The following ROBO2 variants were observed in gnomAD, a reference collection of about 807,000 sequenced individuals.
The protein encoded by ROBO2 is roundabout homolog 2.
In ROBO2, 53 loss-of-function variants were observed where a neutral mutation model predicts 160.8. That is an observed-to-expected ratio of 0.33 (90% CI 0.26 to 0.41). The LOEUF (loss-of-function observed/expected upper bound fraction) is 0.41. Among genes scored for constraint, ROBO2 ranks in the 10% least tolerant of loss-of-function variants. The probability of loss-of-function intolerance (pLI) is 1.00; values close to 1 mark genes in which losing one functional copy is unlikely to be tolerated. For synonymous variants in ROBO2, 664 were observed against 611.7 expected (o/e 1.09, Z -1.26); for missense variants, 1,577 against 1,722.4 (o/e 0.92, Z 1.49).
intron 2 of ROBO2, among the ~76,000 whole-genome samples, chr3:76,639,464 T>TCA (rs34047566): frequency 0.075 from 11,254 of 149,096 alleles, 853 homozygotes; most frequent in African/African-American, 0.21. Context: ...CTACACTCTC[T>TCA]CACACACACA....
chr3:76,183,552 T>C (rs1701608347), intron 2 of ROBO2, among the ~76,000 whole-genome samples: 1 of 152,098 alleles, frequency 6.6e-6, no homozygotes, highest in South Asian at 2.1e-4. Context: ...CATTCATTCA[T>C]TCATTTGTTC....
At chr3:76,739,334 C>T (rs1458940039) in intron 2 of ROBO2, among the ~76,000 whole-genome samples, 1 of 152,092 alleles carries the variant, frequency 6.6e-6, no homozygotes, top group East Asian at 1.9e-4. Context: ...TTTGTAGTGA[C>T]ATGGATGAAA....
chr3:77,595,866 C>A (rs2094291128), intron 18 of ROBO2, among the ~76,000 whole-genome samples: 2 of 151,948 alleles, frequency 1.3e-5, no homozygotes, highest in African/African-American at 4.8e-5. Context: ...CAGAAGGGGT[C>A]TATCAAAAGA....
At chr3:76,481,590 A>G (rs1049630374) in intron 2 of ROBO2, among the ~76,000 whole-genome samples, 6 of 152,184 alleles carry the variant, frequency 3.9e-5, no homozygotes, top group African/African-American at 1.4e-4. Flanking sequence ...CGGAAGCAAT[A>G]TCTCTTAAAG....
At chr3:77,011,087 T>TTC (rs368908273) in intron 2 of ROBO2, among the ~76,000 whole-genome samples, 162 of 71,230 alleles carry the variant, frequency 2.3e-3, no homozygotes, top group South Asian at 4.9e-3. Flanking sequence ...CTTTCTTTCT[T>TTC]TTTCTTTCTA....
At chr3:76,352,741 A>G (rs1046273945) in intron 2 of ROBO2, among the ~76,000 whole-genome samples, 2 of 151,966 alleles carry the variant, frequency 1.3e-5, no homozygotes, top group African/African-American at 2.4e-5. Flanking sequence ...TATGAGACAG[A>G]GTTTTATTAG....
chr3:77,348,670 G>A (rs770698806), intron 2 of ROBO2, among the ~76,000 whole-genome samples: 7 of 152,070 alleles, frequency 4.6e-5, no homozygotes, highest in Non-Finnish European at 4.4e-5. Flanking sequence ...TCCAGATTGC[G>A]TTCATTTCCT....
chr3:76,638,390 T>G (rs946814281), intron 2 of ROBO2, among the ~76,000 whole-genome samples: 1 of 152,180 alleles, frequency 6.6e-6, no homozygotes, highest in African/African-American at 2.4e-5. Flanking sequence ...TGGTCAATAA[T>G]TCAAAGTAAT....
At chr3:77,196,208 T>C (rs936438550) in intron 2 of ROBO2, among the ~76,000 whole-genome samples, 28 of 152,198 alleles carry the variant, frequency 1.8e-4, no homozygotes, top group African/African-American at 5.3e-4. Context: ...AGAAATCCAT[T>C]TGGAAGCCTG....
intron 2 of ROBO2, among the ~76,000 whole-genome samples, chr3:76,997,231 C>A (rs888493739): frequency 6.6e-6 from 1 of 152,060 alleles, no homozygotes. Context: ...TTAATCAATA[C>A]TTTTTATATA....
chr3:75,964,602 A>T (rs11915114), intron 2 of ROBO2, among the ~76,000 whole-genome samples: 1 of 151,508 alleles, frequency 6.6e-6, no homozygotes, highest in Non-Finnish European at 1.5e-5. Flanking sequence ...ATATTTGTAT[A>T]TGAGATGCAG....
intron 2 of ROBO2, among the ~76,000 whole-genome samples, chr3:76,928,646 C>T (rs1034180347): frequency 6.6e-6 from 1 of 152,076 alleles, no homozygotes; most frequent in Non-Finnish European, 1.5e-5. Flanking sequence ...TTCACAGGGT[C>T]TCAACAATTC....
At chr3:76,179,834 G>C (rs1575769517) in intron 2 of ROBO2, among the ~76,000 whole-genome samples, 2 of 152,180 alleles carry the variant, frequency 1.3e-5, no homozygotes, top group South Asian at 4.1e-4. Context: ...ATGGAAGGGG[G>C]GTTGGTAACA....
intron 2 of ROBO2, among the ~76,000 whole-genome samples, chr3:77,315,477 C>T (rs2063901556): frequency 6.6e-6 from 1 of 152,278 alleles, no homozygotes; most frequent in South Asian, 2.1e-4. Context: ...CTCTCCTTAA[C>T]TTTGAGACAC....
In ROBO2 at chr3:76,907,823, G is replaced by GGTGTGTGTGTGTGTGTGT. The variant is rs71104638; in HGVS notation, c.110-190176_110-190159dup. 2.9e-3 allele frequency among the ~76,000 whole-genome samples: 422 copies of GGTGTGTGTGTGTGTGTGT among 145,498 alleles called. 1 individual carries two copies. The highest frequency in any genetic ancestry group is 7.1e-3 in the Middle Eastern group (2 of 282). On this transcript the variant is annotated intron_variant, in intron 2 of 26. Coordinates refer to the ROBO2 transcript ENST00000487694. ...GCCTTTCTGCTGTTTGTTTGTTTGG[G>GGTGTGTGTGTGTGTGTGT]GTGTGTGTGTGTGTGTGTGTGTGTG...
chr3:77,510,687 G>A (rs972624588), intron 5 of ROBO2, among the ~76,000 whole-genome samples: 1 of 152,034 alleles, frequency 6.6e-6, no homozygotes, highest in Non-Finnish European at 1.5e-5. Flanking sequence ...TTTTAAGGAA[G>A]AAGAAATTCT....
chr3:76,725,024 C>A (rs368585361), intron 2 of ROBO2, among the ~76,000 whole-genome samples: 2 of 152,222 alleles, frequency 1.3e-5, no homozygotes, highest in East Asian at 3.9e-4. Flanking sequence ...CTGCAGGGAA[C>A]ATATCCCTGC....
chr3:76,414,783 AAAG>A (rs888049298), intron 2 of ROBO2, among the ~76,000 whole-genome samples: 14 of 152,214 alleles, frequency 9.2e-5, no homozygotes, highest in African/African-American at 3.4e-4. Flanking sequence ...AAAAAAAGAA[AAAG>A]ACAAAAAAAA....
chr3:75,944,043 A>G (rs7649534), intron 2 of ROBO2, among the ~76,000 whole-genome samples: 66,168 of 151,966 alleles, frequency 0.44, 15,715 homozygotes, highest in South Asian at 0.66. Flanking sequence ...AAAATATAAT[A>G]TAAATTGTTT....
Sources: allele counts gnomAD v4.1 joint callset (sites outside exome capture counted in the v4.1 genomes callset), GRCh38; gene constraint gnomAD v4.1.1; transcripts MANE v1.5; gene names NCBI Gene and HGNC (gene_info 2026-07-23, HGNC 2026-07-21).